ATP8A1: variants seen among roughly 807,000 people sequenced by gnomAD.
ATP8A1 encodes the protein ATPase phospholipid transporting 8A1, also known as phospholipid-transporting ATPase IA.
Under a neutral mutation model 177.7 loss-of-function variants are expected in ATP8A1, and 90 were observed. The observed-to-expected ratio is 0.51, with a 90% CI of 0.43 to 0.60. The LOEUF is 0.60. Ranked by LOEUF, ATP8A1 falls within the 20% of genes least tolerant of loss-of-function variation. ATP8A1 has a pLI of 0.00. For missense variants in ATP8A1, 1,072 were observed against 1,392.8 expected (o/e 0.77, Z 3.67); for synonymous variants, 493 against 485.9 (o/e 1.01, Z -0.19).
intron 23 of ATP8A1, 151 bp from the exon 24 acceptor site, chr4:42,503,665 C>T: frequency 1.8e-6 from 1 of 557,136 alleles, no homozygotes; most frequent in Middle Eastern, 4.8e-4. Flanking sequence ...GGAAGTTAAA[C>T]ATGAAATGCT....
intron 25 of ATP8A1, chr4:42,472,317 T>C (rs912777926): frequency 2.0e-6 from 1 of 511,728 alleles, no homozygotes; most frequent in Non-Finnish European, 3.8e-6. Flanking sequence ...AAACTTTTTC[T>C]GGTGTCTATA....
At chr4:42,651,668 T>C (rs1474424328) in intron 1 of ATP8A1, among the ~76,000 whole-genome samples, 2 of 152,234 alleles carry the variant, frequency 1.3e-5, no homozygotes, top group Non-Finnish European at 2.9e-5. Context: ...CTGAAAAACC[T>C]GTTTGCCTTT....
At chr4:42,529,322 T>C (rs948488025) in intron 20 of ATP8A1, among the ~76,000 whole-genome samples, 3 of 152,038 alleles carry the variant, frequency 2.0e-5, no homozygotes, top group African/African-American at 7.3e-5. Context: ...AGGTAACTAC[T>C]CTCCTTTTGA....
intron 16 of ATP8A1, among the ~76,000 whole-genome samples, chr4:42,553,206 C>A (rs369089546): frequency 1.7e-4 from 26 of 152,278 alleles, no homozygotes; most frequent in Middle Eastern, 3.4e-3. Flanking sequence ...GTGAGAAAGG[C>A]AGATGTAGCT....
intron 20 of ATP8A1, among the ~76,000 whole-genome samples, chr4:42,532,342 T>G (rs1727351753): frequency 6.6e-6 from 1 of 151,742 alleles, no homozygotes; most frequent in Non-Finnish European, 1.5e-5. Flanking sequence ...AAAAATTAAC[T>G]GGGCATGATG....
chr4:42,445,831 G>A (rs561689796), intron 31 of ATP8A1, among the ~76,000 whole-genome samples: 44 of 152,274 alleles, frequency 2.9e-4, no homozygotes, highest in African/African-American at 1.0e-3. Context: ...TTTAATCCCA[G>A]CACTTTGGGA....
chr4:42,622,064 A>G (rs1239448629), intron 4 of ATP8A1, among the ~76,000 whole-genome samples: 1 of 152,108 alleles, frequency 6.6e-6, no homozygotes, highest in Non-Finnish European at 1.5e-5. Flanking sequence ...TACAAAACTC[A>G]TCTCAAGATG....
intron 1 of ATP8A1, among the ~76,000 whole-genome samples, chr4:42,628,954 G>A (rs889815081): frequency 1.3e-5 from 2 of 152,182 alleles, no homozygotes; most frequent in Non-Finnish European, 2.9e-5. Context: ...GCCCTTGGAT[G>A]TCCTTAGCTG....
intron 11 of ATP8A1, 42 bp downstream of exon 11, chr4:42,579,771 T>C: frequency 6.7e-7 from 1 of 1,501,106 alleles, no homozygotes; most frequent in Non-Finnish European, 9.1e-7. Context: ...AACAAATACA[T>C]GTCTTAATCT....
At position 42,590,815 on chromosome 4, in the gene ATP8A1, A is replaced by C. The variant is rs887734644; in HGVS notation, c.520T>G (p.Ser174Ala). The stretch of plus-strand genomic sequence containing the variant: ...ATACGACTCAGTGGTTCTAACCTTG[A>C]GGACAGACTGATGAGATCTGCTGGG... ...HLPADLISLS[S>A]SEPQAMCYIE... The change falls in exon 7 of 37, where the codon TCA becomes GCA. Residue 174 changes from serine to alanine, a missense_variant. Around this residue, in one of 5 missense-constraint regions of ATP8A1, gnomAD observed 344 missense variants for 393.5 expected, o/e 0.87. Coordinates refer to ENST00000381668, the MANE Select transcript of ATP8A1 (RefSeq NM_006095.2). 1 of 1,613,798 alleles carries C rather than the reference A, an allele frequency of 6.2e-7. No individual in the cohort carries two copies. The highest frequency in any genetic ancestry group is 8.5e-7 in the Non-Finnish European group (1 of 1,179,890).
chr4:42,576,415 G>T (rs988270200), intron 12 of ATP8A1, among the ~76,000 whole-genome samples: 6 of 132,452 alleles, frequency 4.5e-5, no homozygotes, highest in African/African-American at 1.7e-4. Context: ...GGCAAAGCTC[G>T]CAGTGAGCCT....
In ATP8A1 at chr4:42,656,999, C is replaced by T. The variant is rs1283126095; in HGVS notation, c.-126G>A. On this transcript the variant is annotated 5_prime_UTR_variant, in exon 1 of 37. Coordinates refer to ENST00000381668, the MANE Select transcript of ATP8A1 (RefSeq NM_006095.2). ...CAGCCTGGGCCGCGCCGCCGCCCACCTAGGGCAGAGCTGCCGCCGGGCGCG... is the reference window on the plus strand; with the variant it reads ...CAGCCTGGGCCGCGCCGCCGCCCACTTAGGGCAGAGCTGCCGCCGGGCGCG... 3.8e-6 allele frequency: 4 copies of T among 1,056,450 alleles called. No homozygotes were observed. The East Asian group carries it at 1.3e-4, about 34-fold the overall frequency. 65.4% of individuals were successfully genotyped at this position (1,056,450 alleles called of 1,614,324 possible). A position where few individuals can be genotyped will look rare whatever the true frequency, so the allele number is the denominator to read the frequency against.
chr4:42,443,734 T>A (rs924859230), intron 32 of ATP8A1, 62 bp from the exon 33 acceptor site: 1 of 757,128 alleles, frequency 1.3e-6, no homozygotes, highest in Non-Finnish European at 2.4e-6. Flanking sequence ...CAAATACTAA[T>A]GAAACTCTCT....
chr4:42,556,090 C>A (rs766292241), intron 15 of ATP8A1, 50 bp from the exon 16 acceptor site: 1 of 1,316,686 alleles, frequency 7.6e-7, no homozygotes, highest in Non-Finnish European at 1.1e-6. Context: ...TACCAGCCCA[C>A]TGATCTATTT....
At chr4:42,574,300 C>T (rs1358184491) in intron 14 of ATP8A1, among the ~76,000 whole-genome samples, 1 of 152,086 alleles carries the variant, frequency 6.6e-6, no homozygotes, top group Non-Finnish European at 1.5e-5. Flanking sequence ...TTACCAGATC[C>T]AAGCTATACT....
At chr4:42,602,220 C>T (rs1735353354) in intron 5 of ATP8A1, among the ~76,000 whole-genome samples, 3 of 152,134 alleles carry the variant, frequency 2.0e-5, no homozygotes, top group Non-Finnish European at 4.4e-5. Context: ...TAAACAGTTA[C>T]GGACCAAGGA....
chr4:42,620,447 T>C (rs1553917849), intron 4 of ATP8A1, among the ~76,000 whole-genome samples: 4 of 151,706 alleles, frequency 2.6e-5, no homozygotes, highest in Non-Finnish European at 5.9e-5. Context: ...AGAGTTCTGT[T>C]AAAAAAAAAC....
intron 20 of ATP8A1, among the ~76,000 whole-genome samples, chr4:42,525,675 G>T (rs1726602402): frequency 6.6e-6 from 1 of 152,032 alleles, no homozygotes; most frequent in African/African-American, 2.4e-5. Flanking sequence ...CTTTGGTTTA[G>T]TGCTTTAAGA....
intron 21 of ATP8A1, among the ~76,000 whole-genome samples, chr4:42,523,257 AAAG>A (rs1330135149): frequency 3.3e-5 from 5 of 152,180 alleles, no homozygotes; most frequent in Non-Finnish European, 4.4e-5. Flanking sequence ...GCATTGGAAG[AAAG>A]GAGAGGCCAA....
Sources: gnomAD v4.1 joint callset for allele counts (sites outside exome capture counted in the v4.1 genomes callset) on GRCh38, gnomAD v4.1.1 for gene constraint, gnomAD v4.1.1 regional missense constraint, MANE v1.5 for transcripts, NCBI Gene and HGNC (gene_info 2026-07-23, HGNC 2026-07-21) for gene names.